The following RAPGEF4 variants were observed in gnomAD, a reference collection of about 807,000 sequenced individuals.
RAPGEF4 encodes RAP guanine-nucleotide-exchange factor (GEF) 4.
RAPGEF4 carries 66 observed loss-of-function variants against 147.9 expected under a neutral mutation model. The observed-to-expected ratio is 0.45, with a 90% confidence interval of 0.37 to 0.55. The LOEUF (loss-of-function observed/expected upper bound fraction) is 0.55, where lower values mean the gene tolerates loss of function less well. Ranked by LOEUF, RAPGEF4 falls within the 20% of genes least tolerant of loss-of-function variation. The pLI is 0.00. For missense variants in RAPGEF4, 1,071 were observed against 1,257.3 expected (o/e 0.85, Z 2.24); for synonymous variants, 419 against 442.7 (o/e 0.95, Z 0.67).
At chr2:172,781,368 G>T (rs1344045106) in intron 1 of RAPGEF4, among the ~76,000 whole-genome samples, 1 of 152,154 alleles carries the variant, frequency 6.6e-6, no homozygotes, top group Non-Finnish European at 1.5e-5. Context: ...CGAGGGCAGG[G>T]TGTGGTGACT....
chr2:172,983,636 A>G, intron 11 of RAPGEF4, 56 bp downstream of exon 11: 2 of 1,600,804 alleles, frequency 1.2e-6, no homozygotes, highest in Non-Finnish European at 8.5e-7. Context: ...ATGCACTGTT[A>G]GGACAGAGGA....
At chr2:172,845,441 T>A (rs756076221) in intron 4 of RAPGEF4, among the ~76,000 whole-genome samples, 35 of 152,158 alleles carry the variant, frequency 2.3e-4, no homozygotes, top group Non-Finnish European at 4.1e-4. Context: ...CCCAGATTTT[T>A]TTTTTGTATT....
At chr2:172,825,180 A>T (rs1336907861) in intron 4 of RAPGEF4, among the ~76,000 whole-genome samples, 1 of 152,242 alleles carries the variant, frequency 6.6e-6, no homozygotes, top group Non-Finnish European at 1.5e-5. Flanking sequence ...TGAACACCAT[A>T]GCTTAGCCTA....
chr2:173,031,412 T>G (rs1024982120), intron 26 of RAPGEF4, among the ~76,000 whole-genome samples: 26 of 152,230 alleles, frequency 1.7e-4, no homozygotes, highest in African/African-American at 6.3e-4. Context: ...CGTCTTATAG[T>G]CCAAGGCTCT....
At chr2:172,922,347 T>TA in intron 6 of RAPGEF4, 47 bp downstream of exon 6, 4 of 1,537,550 alleles carry the variant, frequency 2.6e-6, no homozygotes, top group African/African-American at 1.4e-5. Flanking sequence ...TGTTATAAGG[T>TA]AAAAAATAAT....
intron 17 of RAPGEF4, among the ~76,000 whole-genome samples, chr2:173,002,059 C>A (rs1014241561): frequency 1.4e-5 from 2 of 142,864 alleles, no homozygotes; most frequent in African/African-American, 2.5e-5. Context: ...TGGAGAAGAA[C>A]CTGGGAGTAT....
intron 1 of RAPGEF4, among the ~76,000 whole-genome samples, chr2:172,782,610 G>T (rs1684788613): frequency 6.6e-6 from 1 of 152,196 alleles, no homozygotes; most frequent in Non-Finnish European, 1.5e-5. Flanking sequence ...ACTACGAAAT[G>T]ATTTTTGAGA....
chr2:172,917,571 G>A (rs544501683), intron 4 of RAPGEF4: 9 of 680,754 alleles, frequency 1.3e-5, no homozygotes, highest in Middle Eastern at 3.0e-4. Context: ...ATGAACTGGC[G>A]GAGATAGAAC....
intron 4 of RAPGEF4, among the ~76,000 whole-genome samples, chr2:172,909,452 C>T (rs530160443): frequency 2.0e-5 from 3 of 152,150 alleles, no homozygotes; most frequent in Non-Finnish European, 2.9e-5. Context: ...ATTTGAAAAA[C>T]GACTGAGTGA....
At chr2:172,845,391 C>T (rs2149715726) in intron 4 of RAPGEF4, among the ~76,000 whole-genome samples, 1 of 152,244 alleles carries the variant, frequency 6.6e-6, no homozygotes, top group East Asian at 1.9e-4. Context: ...TGAATGATGC[C>T]AGCCAGTTTC....
intron 1 of RAPGEF4, among the ~76,000 whole-genome samples, chr2:172,788,170 G>A (rs552438759): frequency 6.6e-6 from 1 of 152,212 alleles, no homozygotes; most frequent in East Asian, 1.9e-4. Context: ...ACCTCCCAAA[G>A]GCTCCACCTC....
chr2:172,976,137 G>A (rs751273584), intron 10 of RAPGEF4, among the ~76,000 whole-genome samples: 22 of 152,202 alleles, frequency 1.4e-4, no homozygotes, highest in Non-Finnish European at 3.1e-4. Context: ...GGATCCCTGT[G>A]TACACAAGCT....
chr2:172,848,203 A>G lies in RAPGEF4; in HGVS notation c.444+33778A>G, dbSNP rs1692412525. Among the ~76,000 whole-genome samples the G allele has an allele frequency of 2.0e-5, 3 of 152,158 alleles. No individual in the cohort carries two copies. In the South Asian group the frequency reaches 6.2e-4, roughly 32 times the overall value. On this transcript the variant is annotated intron_variant, in intron 4 of 30. Transcript: ENST00000397081. Reference sequence around the variant, plus strand: ...TTCTATACATTCTAAACTCACGCGCAGGGCACTTCTCCCTGAGCCAGTGTC... The same window carrying G: ...TTCTATACATTCTAAACTCACGCGCGGGGCACTTCTCCCTGAGCCAGTGTC...
At chr2:172,973,176 G>C (rs776725611) in intron 10 of RAPGEF4, among the ~76,000 whole-genome samples, 39 of 149,750 alleles carry the variant, frequency 2.6e-4, no homozygotes, top group Non-Finnish European at 3.1e-4. Context: ...GCAGTGGGGT[G>C]ATCTCAGTTC....
intron 3 of RAPGEF4, among the ~76,000 whole-genome samples, chr2:172,798,841 A>G (rs1686671447): frequency 6.6e-6 from 1 of 152,158 alleles, no homozygotes; most frequent in Non-Finnish European, 1.5e-5. Flanking sequence ...TACCCATTGT[A>G]ATGGAGGGTT....
intron 30 of RAPGEF4, among the ~76,000 whole-genome samples, chr2:173,050,783 C>T (rs930050040): frequency 5.5e-4 from 79 of 144,310 alleles, no homozygotes; most frequent in African/African-American, 2.0e-3. Context: ...AAAGGAAGAT[C>T]TGGCAACTCT....
chr2:172,810,959 TATG>T (rs1445136643), intron 3 of RAPGEF4, among the ~76,000 whole-genome samples: 6 of 152,096 alleles, frequency 3.9e-5, no homozygotes, highest in African/African-American at 1.4e-4. Context: ...TCTTGGGAAA[TATG>T]ATAACAGAAT....
intron 4 of RAPGEF4, among the ~76,000 whole-genome samples, chr2:172,828,982 G>T (rs920628171): frequency 2.6e-5 from 4 of 152,214 alleles, no homozygotes; most frequent in Non-Finnish European, 5.9e-5. Context: ...AGACAGGTTG[G>T]TGTTGAACCT....
In RAPGEF4 at chr2:173,027,095, T is replaced by A; in HGVS notation, c.2394T>A (p.Tyr798Ter). 6.3e-7 allele frequency: 1 copy of A among 1,597,338 alleles called. No homozygotes were observed. The highest frequency in any genetic ancestry group is 8.5e-7 in the Non-Finnish European group (1 of 1,175,464). ...FNCVHELELI[Y>*]HTFGRHNFKK... ...TTATTTTCTAGCTGGAGCTAATCTATCACACATTTGGAAGGCATAATTTTA... is the reference window on the plus strand; with the variant it reads ...TTATTTTCTAGCTGGAGCTAATCTAACACACATTTGGAAGGCATAATTTTA... The change falls in exon 25 of 31, where the codon TAT (tyrosine) becomes TAA (stop). Residue 798 changes from tyrosine (Y) to a stop codon, truncating the protein, a stop_gained. Transcript: ENST00000397081. LOFTEE classifies it high-confidence loss of function.
Sources: allele counts gnomAD v4.1 joint callset (sites outside exome capture counted in the v4.1 genomes callset), GRCh38; gene constraint gnomAD v4.1.1; transcripts MANE v1.5; gene names NCBI Gene and HGNC (gene_info 2026-07-23, HGNC 2026-07-21).